Variants in FAM193A observed in about 807,000 individuals in gnomAD.
FAM193A encodes family with sequence similarity 193 member A.
In FAM193A, 22 loss-of-function variants were observed where a neutral mutation model predicts 126.5. The ratio of observed to expected loss-of-function variants is 0.17; its 90% CI spans 0.12 to 0.25. The LOEUF is 0.25. FAM193A is among the 10% of genes least tolerant of loss of function. The probability of loss-of-function intolerance (pLI) is 1.00; values close to 1 mark genes in which losing one functional copy is unlikely to be tolerated. For missense variants in FAM193A, 1,675 were observed against 1,672.8 expected, an observed-to-expected ratio of 1.00 and a Z score of -0.02; for synonymous variants, 761 against 646.8, an observed-to-expected ratio of 1.18 and a Z score of -2.68.
Position 2,537,819 on chromosome 4 carries a change from C to G in FAM193A, c.255+649C>G, listed in dbSNP as rs1400223858. On this transcript the variant is annotated intron_variant, in intron 1 of 20. Transcript: ENST00000637812. Reference sequence around the variant, plus strand: ...CTCCTCCCCCGCTTTGTTAAGTTTTCAGGGGTATTTAGTGGTTTGGTTACT... The same window carrying G: ...CTCCTCCCCCGCTTTGTTAAGTTTTGAGGGGTATTTAGTGGTTTGGTTACT... 5.9e-5 allele frequency among the ~76,000 whole-genome samples: 9 copies of G among 152,250 alleles called. No homozygotes were observed. In the East Asian group the frequency reaches 1.3e-3, roughly 23 times the overall value.
intron 1 of FAM193A, among the ~76,000 whole-genome samples, chr4:2,540,722 AG>A (rs1199386322): frequency 6.6e-6 from 1 of 152,202 alleles, no homozygotes; most frequent in Non-Finnish European, 1.5e-5. Context: ...GCACTTTGGG[AG>A]GCTGAGGCAG....
chr4:2,606,371 G>A (rs940317891), intron 2 of FAM193A, among the ~76,000 whole-genome samples: 1 of 152,174 alleles, frequency 6.6e-6, no homozygotes, highest in Non-Finnish European at 1.5e-5. Flanking sequence ...TTTAATATCT[G>A]AATGATAGAA....
At chr4:2,715,529 G>C in intron 19 of FAM193A, 2 of 991,346 alleles carry the variant, frequency 2.0e-6, no homozygotes, top group South Asian at 4.6e-5. Context: ...CCTTCCTGTA[G>C]GGTTGATGTC....
intron 20 of FAM193A, among the ~76,000 whole-genome samples, chr4:2,729,992 A>T (rs1721194928): frequency 6.6e-6 from 1 of 151,718 alleles, no homozygotes; most frequent in African/African-American, 2.4e-5. Flanking sequence ...TGCAGCCTTG[A>T]CCTCCCAGGC....
chr4:2,607,429 A>G (rs1214052080), intron 2 of FAM193A, among the ~76,000 whole-genome samples: 1 of 152,172 alleles, frequency 6.6e-6, no homozygotes, highest in East Asian at 1.9e-4. Flanking sequence ...TTTGGTACAA[A>G]TTTGAAAATA....
rs187673798 is a variant in FAM193A, at chr4:2,603,604, A to C, written c.501+7275A>C. On this transcript the variant is annotated intron_variant, in intron 2 of 20. Transcript: ENST00000637812. ...CCCAAGTAGCTGGGACTACGGGTGC[A>C]TGCCACCACGCCTGACTAATTTTTT... 2.2e-3 allele frequency among the ~76,000 whole-genome samples: 335 copies of C among 149,806 alleles called. 1 individual carries two copies. The highest frequency in any genetic ancestry group is 6.2e-3 in the Admixed American group (92 of 14,940).
chr4:2,729,558 C>G (rs973375852), intron 20 of FAM193A, among the ~76,000 whole-genome samples: 1 of 152,216 alleles, frequency 6.6e-6, no homozygotes, highest in Non-Finnish European at 1.5e-5. Flanking sequence ...AAACTTGCCT[C>G]AGTCTCTTCT....
chr4:2,713,453 T>C (rs1029585405), intron 19 of FAM193A, among the ~76,000 whole-genome samples: 9 of 152,190 alleles, frequency 5.9e-5, no homozygotes, highest in African/African-American at 2.2e-4. Flanking sequence ...GCTTTTTTCC[T>C]AGTGCATTCC....
upstream of FAM193A, among the ~76,000 whole-genome samples, chr4:2,536,323 T>G (rs575475333): frequency 0.018 from 2,648 of 151,290 alleles, 60 homozygotes; most frequent in African/African-American, 0.051. Flanking sequence ...GGGCGGGACC[T>G]GCGGCGACGA....
chr4:2,659,720 G>T (rs1006571975), intron 9 of FAM193A, 50 bp downstream of exon 9: 4 of 1,609,522 alleles, frequency 2.5e-6, no homozygotes, highest in Non-Finnish European at 3.4e-6. Context: ...GACCTTCACT[G>T]GGCTGAGTGG....
intron 1 of FAM193A, among the ~76,000 whole-genome samples, chr4:2,581,368 C>G (rs1400413431): frequency 6.6e-6 from 1 of 151,506 alleles, no homozygotes; most frequent in Non-Finnish European, 1.5e-5. Flanking sequence ...ATTCTCCTGC[C>G]TCAGCCTCCC....
At chr4:2,627,323 G>A (rs1743072704) in intron 4 of FAM193A, among the ~76,000 whole-genome samples, 1 of 151,890 alleles carries the variant, frequency 6.6e-6, no homozygotes, top group South Asian at 2.1e-4. Flanking sequence ...ACTGTGCCCG[G>A]CTAATTTTTG....
chr4:2,690,959 C>CT lies in FAM193A; in HGVS notation c.2793dup (p.Pro932SerfsTer5). The stretch of plus-strand genomic sequence containing the variant: ...CAGTTCAGAGTGTCATCCAAGAGAC[C>CT]TCCTTCAGTAGGTAAGGCTTGAAGG... On this transcript the variant is annotated frameshift_variant, in exon 15 of 21. Transcript: ENST00000637812. LOFTEE classifies it high-confidence loss of function. 1 of 1,612,536 alleles carries CT rather than the reference C, an allele frequency of 6.2e-7. No individual in the cohort carries two copies. The highest frequency in any genetic ancestry group is 8.5e-7 in the Non-Finnish European group (1 of 1,178,822).
At chr4:2,562,391 G>A (rs1738670858) in intron 1 of FAM193A, among the ~76,000 whole-genome samples, 3 of 152,146 alleles carry the variant, frequency 2.0e-5, no homozygotes, top group African/African-American at 7.2e-5. Context: ...GTTAAACACT[G>A]CAGTGAGCTG....
At chr4:2,727,255 C>CA (rs112588989) in intron 20 of FAM193A, among the ~76,000 whole-genome samples, 2,798 of 140,470 alleles carry the variant, frequency 0.02, 55 homozygotes, top group African/African-American at 0.05. Flanking sequence ...GACTCCGTCT[C>CA]AAAAAAAAAA....
chr4:2,666,573 AGTTT>A (rs1039638609), intron 12 of FAM193A, among the ~76,000 whole-genome samples: 10 of 152,224 alleles, frequency 6.6e-5, no homozygotes, highest in East Asian at 3.9e-4. Flanking sequence ...TTTCTGAAGG[AGTTT>A]GTTTAAGATT....
chr4:2,699,980 C>G lies in FAM193A; in HGVS notation c.3808C>G (p.Pro1270Ala). The G allele has an allele frequency of 6.2e-7, 1 of 1,613,964 alleles. No individual in the cohort carries two copies. The highest frequency in any genetic ancestry group is 8.5e-7 in the Non-Finnish European group (1 of 1,180,002). The stretch of plus-strand genomic sequence containing the variant: ...TGGCTCACTAGAGCAAACTGAAGAA[C>G]CAGAAACCTCTTCTCACTCCCCATC... Reference protein sequence around the residue: ...HNGSLEQTEEPETSSHSPSRH... With the variant: ...HNGSLEQTEEAETSSHSPSRH... The change falls in exon 19 of 21, where the codon CCA becomes GCA. Residue 1270 changes from proline (P) to alanine (A), a missense_variant. By Grantham distance (27) the Pro-to-Ala change is conservative. Transcript: ENST00000637812.
chr4:2,610,682 G>A (rs190888426), intron 2 of FAM193A, among the ~76,000 whole-genome samples: 194 of 152,020 alleles, frequency 1.3e-3, no homozygotes, highest in Admixed American at 3.7e-3. Context: ...ATAGAGAGAC[G>A]TTTGTATTTT....
intron 7 of FAM193A, among the ~76,000 whole-genome samples, chr4:2,649,849 G>A (rs886749519): frequency 1.3e-5 from 2 of 152,142 alleles, no homozygotes; most frequent in African/African-American, 4.8e-5. Flanking sequence ...GTGAGTGGCC[G>A]GTGAGCCAGT....
Sources: allele counts gnomAD v4.1 joint callset (sites outside exome capture counted in the v4.1 genomes callset), GRCh38; gene constraint gnomAD v4.1.1; transcripts MANE v1.5; gene names NCBI Gene and HGNC (gene_info 2026-07-23, HGNC 2026-07-21).